Variants in TBP observed in about 807,000 individuals in gnomAD.
TBP encodes the protein TATA-box-binding protein.
A neutral mutation model predicts 46.2 loss-of-function variants in TBP; 12 were observed. The ratio of observed to expected loss-of-function variants is 0.26; its 90% CI spans 0.17 to 0.42. The LOEUF is 0.42. TBP is among the 10% of genes least tolerant of loss of function. TBP has a pLI of 1.00. For missense variants in TBP, 229 were observed against 403.1 expected, an observed-to-expected ratio of 0.57 and a Z score of 3.70; for synonymous variants, 157 against 148.3, an observed-to-expected ratio of 1.06 and a Z score of -0.42.
chr6:170,572,425 G>A lies in TBP; in HGVS notation c.*160G>A. 1.6e-6 allele frequency: 1 copy of A among 641,022 alleles called. No homozygotes were observed. The highest frequency in any genetic ancestry group is 2.7e-6 in the Non-Finnish European group (1 of 367,022). 39.7% of individuals were successfully genotyped at this position (641,022 alleles called of 1,614,324 possible). A position where few individuals can be genotyped will look rare whatever the true frequency, so the allele number is the denominator to read the frequency against. On this transcript the variant is annotated 3_prime_UTR_variant, in exon 8 of 8. Coordinates refer to ENST00000392092, the MANE Select transcript of TBP (RefSeq NM_003194.5). ...GCCCTTCTGTAAGTGCCCACCGCGG[G>A]ATGCCGGGAAGGGGCATTATTTGTG...
chr6:170,562,162 C>T lies in TBP; in HGVS notation c.426C>T (p.Pro142=), dbSNP rs374621399. Reference sequence around the variant, plus strand: ...GCACCACTCCACTGTATCCCTCCCCCATGACTCCCATGACCCCCATCACTC... The same window carrying T: ...GCACCACTCCACTGTATCCCTCCCCTATGACTCCCATGACCCCCATCACTC... The part of the protein sequence containing the change: ...LPGTTPLYPS[P]MTPMTPITPA... Residue 142 remains proline (P), a synonymous_variant, in exon 3 of 8, where the codon CCC becomes CCT. Coordinates refer to ENST00000392092, the MANE Select transcript of TBP (RefSeq NM_003194.5). 16 of 1,614,070 alleles carry T rather than the reference C, an allele frequency of 9.9e-6. No homozygotes were observed. In the African/African-American group the frequency reaches 1.6e-4, roughly 16 times the overall value.
chr6:170,562,099 C>G lies in TBP; in HGVS notation c.363C>G (p.Leu121=). 1.2e-6 allele frequency: 2 copies of G among 1,614,184 alleles called. No homozygotes were observed. Among genetic ancestry groups the G allele is most frequent in the African/African-American group, 1.3e-5 (1 of 75,038 alleles). Residue 121 remains leucine (L), a synonymous_variant, in exon 3 of 8, where the codon CTC becomes CTG. Coordinates refer to ENST00000392092, the MANE Select transcript of TBP (RefSeq NM_003194.5). ...GAACCTCAGGCCAGGCACCACAGCT[C>G]TTCCACTCACAGACTCTCACAACTG... is the stretch of plus-strand genomic sequence containing the variant. ...TQGTSGQAPQ[L]FHSQTLTTAP... is the part of the protein sequence containing the mutation.
At position 170,572,162 on chromosome 6, in the gene TBP, C is replaced by A. The variant is rs201700623; in HGVS notation, c.941-24C>A. The A allele has an allele frequency of 6.4e-4, 1,015 of 1,589,056 alleles. 21 individuals are homozygous for A. In the South Asian group the frequency reaches 9.6e-3, roughly 15 times the overall value. On this transcript the variant is annotated intron_variant, in intron 7 of 7. Coordinates refer to ENST00000392092, the MANE Select transcript of TBP (RefSeq NM_003194.5). ...AAGAAGTGCCATTTCAGTCTCTCAT[C>A]TCTACTCCAACTTGTCTTCTTAGGT...
rs1289979661 is a variant in TBP, at chr6:170,568,773, TTTTA to T, written c.678-835_678-832del. On this transcript the variant is annotated intron_variant, in intron 5 of 7. Coordinates refer to ENST00000392092, the MANE Select transcript of TBP (RefSeq NM_003194.5). ...CGACCTGCCTGCCTGCCTTTTTCTC[TTTTA>T]TTTTTTCTTTTTTTCTCTTCTTTCT... Among the ~76,000 whole-genome samples, 6 of 150,738 alleles carry T rather than the reference TTTTA, an allele frequency of 4.0e-5. No individual in the cohort carries two copies. In the South Asian group the frequency reaches 1.3e-3, roughly 32 times the overall value.
intron 1 of TBP, among the ~76,000 whole-genome samples, chr6:170,555,510 T>A (rs1190799194): frequency 6.6e-6 from 1 of 152,204 alleles, no homozygotes; most frequent in Non-Finnish European, 1.5e-5. Context: ...GTTGCCTGCA[T>A]ACTGCATGCT....
chr6:170,556,971 A>C lies in TBP; in HGVS notation c.-59A>C. 6.4e-7 allele frequency: 1 copy of C among 1,562,248 alleles called. No homozygotes were observed. Among genetic ancestry groups the C allele is most frequent in the South Asian group, 1.1e-5 (1 of 89,572 alleles). On this transcript the variant is annotated 5_prime_UTR_variant, in exon 2 of 8. Coordinates refer to ENST00000392092, the MANE Select transcript of TBP (RefSeq NM_003194.5). The stretch of plus-strand genomic sequence containing the variant: ...CTGGAGATGCTCTAGGAAAAAATTG[A>C]ATAGTGAGACGAGTTCCAGCGCAAG...
chr6:170,558,792 C>T (rs1460030937), intron 2 of TBP, among the ~76,000 whole-genome samples: 1 of 150,716 alleles, frequency 6.6e-6, no homozygotes, highest in Admixed American at 6.6e-5. Context: ...CTCCCGTGTT[C>T]AAGCGATTCT....
rs112748399 is a variant in TBP, at chr6:170,561,976, G to A, written c.240G>A (p.Gln80=). The change falls in exon 3 of 8, where the codon CAG becomes CAA. Residue 80 remains glutamine, a synonymous_variant. Transcript: ENST00000392092. ...QQQQQQQQQQ[Q]QQQQQQQQQQ... ...AACAGCAACAGCAGCAGCAGCAGCAGCAGCAGCAGCAGCAGCAGCAGCAGC... is the reference window on the plus strand; with the variant it reads ...AACAGCAACAGCAGCAGCAGCAGCAACAGCAGCAGCAGCAGCAGCAGCAGC... 56 of 1,474,170 alleles carry A rather than the reference G, an allele frequency of 3.8e-5. No homozygotes were observed. Among genetic ancestry groups the A allele is most frequent in the African/African-American group, 1.0e-4 (6 of 59,034 alleles). 91.3% of individuals were successfully genotyped at this position (1,474,170 alleles called of 1,614,324 possible).
At position 170,572,754 on chromosome 6, in the gene TBP, A is replaced by G. The variant is rs992637379; in HGVS notation, c.*489A>G. ...TGTGCCAGACACATTCCACCTCTCC[A>G]GTATTGCAGGACAGAATATATGTGT... On this transcript the variant is annotated 3_prime_UTR_variant, in exon 8 of 8. Transcript: ENST00000392092. The G allele has an allele frequency of 1.3e-5, 2 of 158,992 alleles. No individual in the cohort carries two copies. Among genetic ancestry groups the G allele is most frequent in the East Asian group, 3.8e-4 (2 of 5,296 alleles). The allele number at this position is 158,992 out of a possible 1,614,324, so 9.8% of individuals were successfully genotyped here. A position where few individuals can be genotyped will look rare whatever the true frequency, so the allele number is the denominator to read the frequency against.
intron 2 of TBP, 89 bp from the exon 3 acceptor site, chr6:170,561,702 T>C: frequency 6.5e-7 from 1 of 1,544,074 alleles, no homozygotes; most frequent in Non-Finnish European, 8.7e-7. Context: ...CATCTGTCTT[T>C]GCACACCTGA....
Position 170,561,958 on chromosome 6 carries a change from A to ACAGCAGCAG in TBP, c.273_281dup (p.Gln93_Gln95dup), listed in dbSNP as rs752404282. On this transcript the variant is annotated inframe_insertion, in exon 3 of 8. Transcript: ENST00000392092. Reference sequence around the variant, plus strand: ...AGCAGCAGCAGCAGCAGCAACAGCAACAGCAGCAGCAGCAGCAGCAGCAGC... The same window carrying ACAGCAGCAG: ...AGCAGCAGCAGCAGCAGCAACAGCAACAGCAGCAGCAGCAGCAGCAGCAGCAGCAGCAGC... The ACAGCAGCAG allele has an allele frequency of 2.0e-3, 2,863 of 1,405,048 alleles. 12 individuals carry two copies. Among genetic ancestry groups the ACAGCAGCAG allele is most frequent in the South Asian group, 6.5e-3 (565 of 86,338 alleles). The allele number at this position is 1,405,048 out of a possible 1,614,324, so 87.0% of individuals were successfully genotyped here. A position where few individuals can be genotyped will look rare whatever the true frequency, so the allele number is the denominator to read the frequency against.
At position 170,555,129 on chromosome 6, in the gene TBP, T is replaced by C. The variant is rs576909175; in HGVS notation, c.-149+666T>C. 8.5e-5 allele frequency among the ~76,000 whole-genome samples: 13 copies of C among 152,354 alleles called. No homozygotes were observed. In the East Asian group the frequency reaches 1.2e-3, roughly 14 times the overall value. ...GAGATGAAGATACCCAGCAAACAAC[T>C]CTTTTCTGAGGATAAATTAGTGCAG... On this transcript the variant is annotated intron_variant, in intron 1 of 7. Coordinates refer to ENST00000392092, the MANE Select transcript of TBP (RefSeq NM_003194.5).
rs2235506 is a variant in TBP at position 170,569,798 on chromosome 6, A to G, written c.845+19A>G. The G allele has an allele frequency of 0.27, 432,583 of 1,598,966 alleles. 61,451 individuals are homozygous for G. The highest frequency in any genetic ancestry group is 0.35 in the South Asian group (30,960 of 89,098). ...TTAGTAGGTAAGTCTGAAATGTATT[A>G]TGATTGTTATTGGCAACAGTTCATT... is the stretch of plus-strand genomic sequence containing the variant. On this transcript the variant is annotated intron_variant, in intron 6 of 7. Coordinates refer to ENST00000392092, the MANE Select transcript of TBP (RefSeq NM_003194.5).
intron 2 of TBP, among the ~76,000 whole-genome samples, chr6:170,558,167 ATT>A (rs1379024731): frequency 2.6e-5 from 4 of 152,214 alleles, no homozygotes; most frequent in Non-Finnish European, 5.9e-5. Context: ...CACTGTAAAC[ATT>A]TGTGTAGACT....
chr6:170,568,540 C>T (rs1012516934), intron 5 of TBP, among the ~76,000 whole-genome samples: 23 of 152,104 alleles, frequency 1.5e-4, no homozygotes, highest in African/African-American at 4.6e-4. Flanking sequence ...CTGCAAGCTC[C>T]GCCTCCTGGG....
At chr6:170,564,348 G>A (rs1415238176) in intron 3 of TBP, among the ~76,000 whole-genome samples, 197 bp from the exon 4 acceptor site, 1 of 152,148 alleles carries the variant, frequency 6.6e-6, no homozygotes, top group Non-Finnish European at 1.5e-5. Context: ...CTACCTCAGT[G>A]CGTTATATGT....
intron 7 of TBP, 78 bp from the exon 8 acceptor site, chr6:170,572,108 A>C (rs1779375910): frequency 8.8e-7 from 1 of 1,141,958 alleles, no homozygotes; most frequent in Non-Finnish European, 1.3e-6. Context: ...TGCAGCTTTA[A>C]GGTAAGAATT....
intron 2 of TBP, 30 bp downstream of exon 2, chr6:170,557,113 G>A: frequency 6.2e-7 from 1 of 1,604,058 alleles, no homozygotes; most frequent in Non-Finnish European, 8.5e-7. Flanking sequence ...AGAATAGGGA[G>A]GGCGGAAATC....
intron 1 of TBP, among the ~76,000 whole-genome samples, chr6:170,556,545 T>C (rs1017828342): frequency 6.6e-6 from 1 of 152,356 alleles, no homozygotes; most frequent in African/African-American, 2.4e-5. Flanking sequence ...GCTTAGTGAA[T>C]ATTCTGCTCT....
Sources: gnomAD v4.1 joint callset for allele counts (sites outside exome capture counted in the v4.1 genomes callset) on GRCh38, gnomAD v4.1.1 for gene constraint, MANE v1.5 for transcripts, NCBI Gene and HGNC (gene_info 2026-07-23, HGNC 2026-07-21) for gene names.